ARHGAP15: variants seen among roughly 807,000 people sequenced by gnomAD.
The protein encoded by ARHGAP15 is Rho GTPase activating protein 15, also known as rho GTPase-activating protein 15.
In ARHGAP15, 51 loss-of-function variants were observed where a neutral mutation model predicts 63.7. The observed-to-expected ratio is 0.80, with a 90% CI of 0.64 to 1.01. The LOEUF (loss-of-function observed/expected upper bound fraction) is 1.01, where lower values mean the gene tolerates loss of function less well. ARHGAP15 is among the 50% of genes least tolerant of loss of function. The pLI is 0.00. For synonymous variants in ARHGAP15, 191 were observed against 193.8 expected, an observed-to-expected ratio of 0.99 and a Z score of 0.12; for missense variants, 560 against 564.6, an observed-to-expected ratio of 0.99 and a Z score of 0.08.
chr2:143,380,942 T>C (rs1360609440), intron 6 of ARHGAP15, among the ~76,000 whole-genome samples: 2 of 152,066 alleles, frequency 1.3e-5, no homozygotes, highest in African/African-American at 4.8e-5. Flanking sequence ...CCCCGGGCAA[T>C]GTGAATGAGA....
chr2:143,378,028 C>G (rs1166806169), intron 6 of ARHGAP15, among the ~76,000 whole-genome samples: 1 of 151,984 alleles, frequency 6.6e-6, no homozygotes, highest in African/African-American at 2.4e-5. Flanking sequence ...GCTTTAGAAA[C>G]AGCCTTTGGA....
intron 6 of ARHGAP15, among the ~76,000 whole-genome samples, chr2:143,365,298 G>A (rs1395611255): frequency 6.6e-6 from 1 of 152,140 alleles, no homozygotes; most frequent in Non-Finnish European, 1.5e-5. Context: ...AAGCTAACCT[G>A]AGCCATCTAT....
intron 6 of ARHGAP15, among the ~76,000 whole-genome samples, chr2:143,315,902 C>T (rs867227150): frequency 4.9e-5 from 7 of 141,706 alleles, no homozygotes; most frequent in East Asian, 3.9e-4. Flanking sequence ...CTGGCCAACA[C>T]GGTGAAACTG....
At chr2:143,515,520 T>C (rs1351232404) in intron 9 of ARHGAP15, among the ~76,000 whole-genome samples, 1 of 152,136 alleles carries the variant, frequency 6.6e-6, no homozygotes, top group Non-Finnish European at 1.5e-5. Context: ...CATCACATCA[T>C]TGCAAAATGA....
intron 1 of ARHGAP15, among the ~76,000 whole-genome samples, chr2:143,147,204 T>C (rs1444205463): frequency 6.6e-6 from 1 of 152,074 alleles, no homozygotes; most frequent in East Asian, 1.9e-4. Flanking sequence ...CCTGTCCCAG[T>C]GAGGGTCTGA....
chr2:143,760,104 C>T (rs936335994), intron 13 of ARHGAP15, among the ~76,000 whole-genome samples: 3 of 152,002 alleles, frequency 2.0e-5, no homozygotes, highest in African/African-American at 7.3e-5. Flanking sequence ...TTGCACTATC[C>T]CTAATATCCA....
intron 8 of ARHGAP15, among the ~76,000 whole-genome samples, chr2:143,452,657 AT>A (rs377089210): frequency 0.41 from 56,718 of 136,836 alleles, 11,807 homozygotes; most frequent in Middle Eastern, 0.52. Flanking sequence ...GCCCCTTTGG[AT>A]TTTTTTTTTT....
At chr2:143,166,061 GAAAA>G (rs1553442904) in intron 2 of ARHGAP15, among the ~76,000 whole-genome samples, 5 of 140,462 alleles carry the variant, frequency 3.6e-5, no homozygotes, top group Non-Finnish European at 6.5e-5. Flanking sequence ...AAGAAAGAAA[GAAAA>G]AAAATATCTT....
intron 6 of ARHGAP15, among the ~76,000 whole-genome samples, chr2:143,345,219 A>C (rs1373270769): frequency 6.9e-6 from 1 of 145,558 alleles, no homozygotes; most frequent in Non-Finnish European, 1.5e-5. Context: ...TCAGTAGTTA[A>C]AATTATTTTA....
At chr2:143,449,203 G>T (rs979706608) in intron 8 of ARHGAP15, among the ~76,000 whole-genome samples, 7 of 151,948 alleles carry the variant, frequency 4.6e-5, no homozygotes, top group African/African-American at 1.4e-4. Flanking sequence ...CCCAGCCAAA[G>T]AACAGCAACA....
rs143989918 is a variant in ARHGAP15 at position 143,364,713 on chromosome 2, A to G, written c.475-70888A>G. Among the ~76,000 whole-genome samples the G allele has an allele frequency of 2.6e-3, 398 of 152,316 alleles. 3 individuals carry two copies. The highest frequency in any genetic ancestry group is 9.4e-3 in the African/African-American group (389 of 41,572). ...GATATTTCAAGGAAAAAGGACTCTC[A>G]CAGAGTACATGTACTAATTTAAGTA... is the stretch of plus-strand genomic sequence containing the variant. On this transcript the variant is annotated intron_variant, in intron 6 of 13. Coordinates refer to ENST00000295095, the MANE Select transcript of ARHGAP15 (RefSeq NM_018460.4).
intron 11 of ARHGAP15, among the ~76,000 whole-genome samples, chr2:143,584,451 C>T (rs921811037): frequency 1.6e-4 from 25 of 151,994 alleles, no homozygotes; most frequent in African/African-American, 6.0e-4. Flanking sequence ...CATGGTGAAA[C>T]CCTATCTCTA....
At chr2:143,188,922 C>T (rs1691559737) in intron 2 of ARHGAP15, among the ~76,000 whole-genome samples, 1 of 151,916 alleles carries the variant, frequency 6.6e-6, no homozygotes, top group African/African-American at 2.4e-5. Flanking sequence ...CCGTGCCGGC[C>T]CCTATGCCTT....
intron 6 of ARHGAP15, among the ~76,000 whole-genome samples, chr2:143,329,415 G>C (rs1430934812): frequency 1.3e-5 from 2 of 152,192 alleles, no homozygotes; most frequent in African/African-American, 4.8e-5. Context: ...AGTATGGAGA[G>C]GGGTGGCCTC....
At chr2:143,571,069 A>G (rs1307331482) in intron 11 of ARHGAP15, among the ~76,000 whole-genome samples, 1 of 152,188 alleles carries the variant, frequency 6.6e-6, no homozygotes, top group Non-Finnish European at 1.5e-5. Context: ...ACCCTATTGC[A>G]AACTGCACAT....
chr2:143,434,433 T>C (rs544409058), intron 6 of ARHGAP15, among the ~76,000 whole-genome samples: 3 of 152,236 alleles, frequency 2.0e-5, no homozygotes, highest in East Asian at 1.9e-4. Context: ...TGTCATTAAA[T>C]GTTGCCATGA....
At chr2:143,500,112 A>G (rs974990290) in intron 9 of ARHGAP15, among the ~76,000 whole-genome samples, 15 of 151,836 alleles carry the variant, frequency 9.9e-5, no homozygotes, top group Non-Finnish European at 2.1e-4. Context: ...TTTCAACTTA[A>G]TATCTTTCTA....
intron 9 of ARHGAP15, among the ~76,000 whole-genome samples, chr2:143,512,299 A>G (rs1021982487): frequency 4.6e-5 from 7 of 152,248 alleles, no homozygotes; most frequent in African/African-American, 1.7e-4. Context: ...GACAGGATCC[A>G]CTTGGGCCAC....
In ARHGAP15 at chr2:143,174,105, A is replaced by C. The variant is rs185931392; in HGVS notation, c.165+18450A>C. On this transcript the variant is annotated intron_variant, in intron 2 of 13. Transcript: ENST00000295095. ...TCACCCAAATATTCCCAGTGTAGTC[A>C]CTGCTAGCAATCCTCCTTTATTTGT... 2.0e-5 allele frequency among the ~76,000 whole-genome samples: 3 copies of C among 152,180 alleles called. No individual in the cohort carries two copies. The East Asian group carries it at 5.8e-4, about 29-fold the overall frequency.
Sources: allele counts gnomAD v4.1 joint callset (sites outside exome capture counted in the v4.1 genomes callset), GRCh38; gene constraint gnomAD v4.1.1; transcripts MANE v1.5; gene names NCBI Gene and HGNC (gene_info 2026-07-23, HGNC 2026-07-21).